Variants in SIN3B observed in about 807,000 individuals in gnomAD.
SIN3B encodes the protein paired amphipathic helix protein Sin3b.
Under a neutral mutation model 120.2 loss-of-function variants are expected in SIN3B, and 19 were observed. The observed-to-expected ratio is 0.16, with a 90% CI of 0.11 to 0.23. The LOEUF (loss-of-function observed/expected upper bound fraction) is 0.23, where lower values mean the gene tolerates loss of function less well. SIN3B is among the 10% of genes least tolerant of loss of function. SIN3B has a pLI of 1.00. For missense variants in SIN3B, 1,073 were observed against 1,573.0 expected (o/e 0.68, Z 5.38); for synonymous variants, 654 against 653.2 (o/e 1.00, Z -0.02).
At chr19:16,850,811 C>T (rs374308244) in intron 5 of SIN3B, among the ~76,000 whole-genome samples, 3 of 152,340 alleles carry the variant, frequency 2.0e-5, no homozygotes, top group East Asian at 3.9e-4. Flanking sequence ...CTGTAGGCAC[C>T]CTGCTCGGGA....
intron 12 of SIN3B, 126 bp from the exon 13 acceptor site, chr19:16,869,334 C>A (rs1434181814): frequency 4.7e-6 from 6 of 1,277,532 alleles, no homozygotes; most frequent in Non-Finnish European, 6.3e-6. Context: ...ATGTTCGCCA[C>A]CCATCCTGCT....
At position 16,876,628 on chromosome 19, in the gene SIN3B, G is replaced by A; in HGVS notation, c.2859+50G>A. On this transcript the variant is annotated intron_variant, in intron 16 of 18. Coordinates refer to ENST00000248054, the MANE Select transcript of SIN3B (RefSeq NM_001297595.2). The surrounding 1 kb of genome is among the most constrained non-coding windows in gnomAD (Gnocchi z 7.1). Reference sequence around the variant, plus strand: ...CCACGCATACCAGGGAGCGCCTGAGGGCAGCAGCATGGGGCTCCCACCAGC... The same window carrying A: ...CCACGCATACCAGGGAGCGCCTGAGAGCAGCAGCATGGGGCTCCCACCAGC... 6.8e-7 allele frequency: 1 copy of A among 1,470,382 alleles called. No homozygotes were observed. Among genetic ancestry groups the A allele is most frequent in the Non-Finnish European group, 9.5e-7 (1 of 1,057,944 alleles). The allele number at this position is 1,470,382 out of a possible 1,614,324, so 91.1% of individuals were successfully genotyped here. A position where few individuals can be genotyped will look rare whatever the true frequency, so the allele number is the denominator to read the frequency against.
chr19:16,853,103 C>G lies in SIN3B; in HGVS notation c.884C>G (p.Ser295Cys), dbSNP rs1971566544. Residue 295 changes from serine to cysteine, a missense_variant, in exon 7 of 19, where the codon TCC becomes TGC. This residue lies in a region of SIN3B where 395 missense variants were observed against 528.0 expected (regional missense o/e 0.75). Coordinates refer to ENST00000248054, the MANE Select transcript of SIN3B (RefSeq NM_001297595.2). ...AAACTTCGTGGTACCAAAGACCTGT[C>G]CATCGCTGCAGTGGGGAAGTACGGG... ...KMKLRGTKDL[S>C]IAAVGKYGTL... The G allele has an allele frequency of 2.0e-5, 33 of 1,614,228 alleles. No individual in the cohort carries two copies. Among genetic ancestry groups the G allele is most frequent in the Non-Finnish European group, 2.7e-5 (32 of 1,180,032 alleles).
intron 5 of SIN3B, among the ~76,000 whole-genome samples, chr19:16,851,185 C>T (rs943832426): frequency 6.6e-6 from 1 of 152,244 alleles, no homozygotes; most frequent in African/African-American, 2.4e-5. Flanking sequence ...AAAGGCCTCA[C>T]AGGAGCTTTC....
At chr19:16,842,266 CTAATTTTTG>C (rs1392094650) in intron 4 of SIN3B, among the ~76,000 whole-genome samples, 4 of 151,734 alleles carry the variant, frequency 2.6e-5, no homozygotes, top group African/African-American at 4.8e-5. Context: ...CCACACCTAG[CTAATTTTTG>C]TAATTTTTGT....
At chr19:16,867,820 G>A (rs1487824981) in intron 12 of SIN3B, among the ~76,000 whole-genome samples, 3 of 152,104 alleles carry the variant, frequency 2.0e-5, no homozygotes, top group Admixed American at 2.0e-4. Flanking sequence ...CTCGCCCCAG[G>A]CCCACCCACA....
At position 16,847,222 on chromosome 19, in the gene SIN3B, T is replaced by C. The variant is rs978272608; in HGVS notation, c.726+109T>C. On this transcript the variant is annotated intron_variant, in intron 5 of 18. Transcript: ENST00000248054. ...AGCCTATGTACCCTCCAGGCCACACTAGGGTCCCCCAGAAGCTACGCAGGT... is the reference window on the plus strand; with the variant it reads ...AGCCTATGTACCCTCCAGGCCACACCAGGGTCCCCCAGAAGCTACGCAGGT... 1.2e-5 allele frequency: 15 copies of C among 1,231,870 alleles called. 1 individual carries two copies. The highest frequency in any genetic ancestry group is 2.9e-4 in the Middle Eastern group (1 of 3,496). The allele number at this position is 1,231,870 out of a possible 1,614,324, so 76.3% of individuals were successfully genotyped here.
intron 14 of SIN3B, among the ~76,000 whole-genome samples, chr19:16,873,074 CTG>C (rs1223116712): frequency 2.6e-5 from 4 of 151,960 alleles, no homozygotes; most frequent in Non-Finnish European, 4.4e-5. Flanking sequence ...AGGCCGCACT[CTG>C]TGTCCTCCCT....
chr19:16,835,391 G>T (rs866509881), intron 3 of SIN3B, among the ~76,000 whole-genome samples: 1 of 151,082 alleles, frequency 6.6e-6, no homozygotes. Context: ...ACCACTATCA[G>T]CTAATTTTTG....
chr19:16,862,120 C>T lies in SIN3B; in HGVS notation c.1059-232C>T, dbSNP rs1971697059. 6.6e-6 allele frequency among the ~76,000 whole-genome samples: 1 copy of T among 152,154 alleles called. No homozygotes were observed. Among genetic ancestry groups the T allele is most frequent in the East Asian group, 1.9e-4 (1 of 5,190 alleles). ...ACTGTGAGTATGGGATTAATAGGCA[C>T]AGGAAGGGACCTGGTGTGTGACAGA... is the stretch of plus-strand genomic sequence containing the variant. On this transcript the variant is annotated intron_variant, in intron 8 of 18. Coordinates refer to ENST00000248054, the MANE Select transcript of SIN3B (RefSeq NM_001297595.2). This position sits in a 1 kb window ranked among gnomAD's most constrained non-coding sequence, Gnocchi z 4.7.
intron 2 of SIN3B, among the ~76,000 whole-genome samples, chr19:16,830,717 C>T (rs1971267546): frequency 6.6e-6 from 1 of 152,226 alleles, no homozygotes. Flanking sequence ...CCATCTCTCC[C>T]CTCCTATTTT....
chr19:16,874,785 G>T (rs1243718757), intron 14 of SIN3B, among the ~76,000 whole-genome samples: 2 of 150,950 alleles, frequency 1.3e-5, no homozygotes, highest in African/African-American at 4.9e-5. Context: ...GTTTGGTCTG[G>T]TTTGGTGTGG....
At chr19:16,839,784 G>C (rs1307582704) in intron 3 of SIN3B, among the ~76,000 whole-genome samples, 1 of 152,168 alleles carries the variant, frequency 6.6e-6, no homozygotes, top group Non-Finnish European at 1.5e-5. Context: ...ACTTTGGGAG[G>C]CCAAGGTGGG....
intron 8 of SIN3B, among the ~76,000 whole-genome samples, chr19:16,860,156 C>T (rs969801133): frequency 7.2e-5 from 11 of 152,146 alleles, no homozygotes; most frequent in Admixed American, 4.6e-4. Context: ...AGAATTGAAG[C>T]GGGCCTCTGC....
At position 16,869,513 on chromosome 19, in the gene SIN3B, C is replaced by T. The variant is rs778333464; in HGVS notation, c.1860C>T (p.Leu620=). The part of the protein sequence containing the change: ...GRSAPSSEPH[L]IFVYEDRQIL... ...GTGCCCCCTCTAGCGAGCCGCACCT[C>T]ATCTTTGTGTACGAGGACCGGCAGA... Residue 620 remains leucine, a synonymous_variant, in exon 13 of 19, where the codon CTC becomes CTT. Transcript: ENST00000248054. 162 of 1,613,734 alleles carry T rather than the reference C, an allele frequency of 1.0e-4. No homozygotes were observed. The highest frequency in any genetic ancestry group is 4.3e-5 in the Non-Finnish European group (51 of 1,179,956).
At chr19:16,861,690 G>A (rs1971690166) in intron 8 of SIN3B, among the ~76,000 whole-genome samples, 1 of 151,886 alleles carries the variant, frequency 6.6e-6, no homozygotes, top group African/African-American at 2.4e-5. Flanking sequence ...TTGAACCCGG[G>A]AGGTGGAGGT....
At chr19:16,849,621 G>A (rs1286361888) in intron 5 of SIN3B, among the ~76,000 whole-genome samples, 1 of 152,214 alleles carries the variant, frequency 6.6e-6, no homozygotes, top group Non-Finnish European at 1.5e-5. Context: ...ATAATTGGGA[G>A]ATTAACTGAA....
rs373826135 is a variant in SIN3B at position 16,853,107 on chromosome 19, C to T, written c.888C>T (p.Ile296=). The part of the protein sequence containing the change: ...MKLRGTKDLS[I]AAVGKYGTLQ... ...TTCGTGGTACCAAAGACCTGTCCAT[C>T]GCTGCAGTGGGGAAGTACGGGACTC... The change falls in exon 7 of 19, where the codon ATC becomes ATT. Residue 296 remains isoleucine, a synonymous_variant. Transcript: ENST00000248054. 48 of 1,614,194 alleles carry T rather than the reference C, an allele frequency of 3.0e-5. No individual in the cohort carries two copies. The African/African-American group carries it at 3.9e-4, about 13-fold the overall frequency.
intron 3 of SIN3B, among the ~76,000 whole-genome samples, chr19:16,840,679 A>G (rs1235972464): frequency 6.6e-6 from 1 of 152,178 alleles, no homozygotes; most frequent in Non-Finnish European, 1.5e-5. Flanking sequence ...AGGGCAGCGG[A>G]AACAGTGAAG....
Sources: allele counts gnomAD v4.1 joint callset (sites outside exome capture counted in the v4.1 genomes callset), GRCh38; gene constraint gnomAD v4.1.1; regional missense constraint gnomAD v4.1.1; non-coding constraint Gnocchi (gnomAD v3.1); transcripts MANE v1.5; gene names NCBI Gene and HGNC (gene_info 2026-07-23, HGNC 2026-07-21).